Variants in GABRB1 observed in about 807,000 individuals in gnomAD.
GABRB1 encodes gamma-aminobutyric acid receptor subunit beta-1.
A neutral mutation model predicts 51.6 loss-of-function variants in GABRB1; 17 were observed. The ratio of observed to expected loss-of-function variants is 0.33; its 90% CI spans 0.23 to 0.49. GABRB1 has a LOEUF of 0.49. Ranked by LOEUF, GABRB1 falls within the 20% of genes least tolerant of loss-of-function variation. GABRB1 has a pLI of 0.99. For synonymous variants in GABRB1, 247 were observed against 218.9 expected, an observed-to-expected ratio of 1.13 and a Z score of -1.14; for missense variants, 410 against 600.6, an observed-to-expected ratio of 0.68 and a Z score of 3.32.
chr4:47,398,577 GAC>G (rs1728263455), intron 5 of GABRB1, among the ~76,000 whole-genome samples: 4 of 152,046 alleles, frequency 2.6e-5, no homozygotes, highest in African/African-American at 9.7e-5. Flanking sequence ...GAGAGAGAGA[GAC>G]AGAGAGAGAG....
chr4:47,136,162 G>A (rs1447954028), intron 3 of GABRB1, among the ~76,000 whole-genome samples: 1 of 151,974 alleles, frequency 6.6e-6, no homozygotes, highest in Non-Finnish European at 1.5e-5. Flanking sequence ...AGCTAATTTT[G>A]TTTGTTTTTT....
chr4:47,068,136 T>G (rs2109539913), intron 3 of GABRB1, among the ~76,000 whole-genome samples: 1 of 152,330 alleles, frequency 6.6e-6, no homozygotes, highest in African/African-American at 2.4e-5. Context: ...AGCTTCAAAC[T>G]TTTCTTCTGC....
In GABRB1 at chr4:47,422,304, T is replaced by C. The variant is rs367697217; in HGVS notation, c.1081-3370T>C. On this transcript the variant is annotated intron_variant, in intron 8 of 8. Transcript: ENST00000295454. The stretch of plus-strand genomic sequence containing the variant: ...TCCTGTCTACTGTGTCTCTTCCAGC[T>C]TCACTTGACACCCTATCCCGATATG... Among the ~76,000 whole-genome samples the C allele has an allele frequency of 2.0e-5, 3 of 152,320 alleles. No homozygotes were observed. In the East Asian group the frequency reaches 5.8e-4, roughly 29 times the overall value.
intron 5 of GABRB1, among the ~76,000 whole-genome samples, chr4:47,376,417 C>A (rs768871054): frequency 2.0e-5 from 3 of 152,100 alleles, no homozygotes; most frequent in Non-Finnish European, 4.4e-5. Context: ...GAGGTCGAGA[C>A]GGGCGGATCA....
chr4:47,276,159 C>A (rs992275268), intron 4 of GABRB1, among the ~76,000 whole-genome samples: 2 of 152,054 alleles, frequency 1.3e-5, no homozygotes, highest in African/African-American at 4.8e-5. Context: ...GTATGTTTTT[C>A]TTCTCAAGTT....
chr4:47,093,629 C>T (rs938834661), intron 3 of GABRB1, among the ~76,000 whole-genome samples: 2 of 152,120 alleles, frequency 1.3e-5, no homozygotes, highest in African/African-American at 2.4e-5. Flanking sequence ...ACTACTTAAT[C>T]GAAATAGCAA....
intron 4 of GABRB1, among the ~76,000 whole-genome samples, chr4:47,271,914 T>C (rs1722888301): frequency 6.6e-6 from 1 of 152,098 alleles, no homozygotes; most frequent in Non-Finnish European, 1.5e-5. Flanking sequence ...TGATCTAGGT[T>C]CTAAACAATT....
At position 47,181,686 on chromosome 4, in the gene GABRB1, T is replaced by A. The variant is rs548995337; in HGVS notation, c.461+20217T>A. On this transcript the variant is annotated intron_variant, in intron 4 of 8. Transcript: ENST00000295454. ...AGCATTTAGTACCATACCTGGTGCATAATTTGTGCTCATAAATAGCTGCTA... is the reference window on the plus strand; with the variant it reads ...AGCATTTAGTACCATACCTGGTGCAAAATTTGTGCTCATAAATAGCTGCTA... Among the ~76,000 whole-genome samples, 19 of 152,182 alleles carry A rather than the reference T, an allele frequency of 1.2e-4. No homozygotes were observed. The East Asian group carries it at 3.1e-3, about 25-fold the overall frequency.
intron 4 of GABRB1, among the ~76,000 whole-genome samples, chr4:47,298,701 C>A (rs1230273402): frequency 6.6e-6 from 1 of 152,212 alleles, no homozygotes; most frequent in Non-Finnish European, 1.5e-5. Flanking sequence ...CCCCATTAAG[C>A]TACCAATGAC....
At position 47,031,578 on chromosome 4, in the gene GABRB1, A is replaced by G; in HGVS notation, c.-74A>G. On this transcript the variant is annotated 5_prime_UTR_variant, in exon 1 of 9. Coordinates refer to ENST00000295454, the MANE Select transcript of GABRB1 (RefSeq NM_000812.4). Reference sequence around the variant, plus strand: ...GCATGCGCAGGTCCATTCGGGAATTACTGCCCAGCAGCCGACTAAGTTGCA... The same window carrying G: ...GCATGCGCAGGTCCATTCGGGAATTGCTGCCCAGCAGCCGACTAAGTTGCA... 4 of 1,274,734 alleles carry G rather than the reference A, an allele frequency of 3.1e-6. No individual in the cohort carries two copies. Among genetic ancestry groups the G allele is most frequent in the Non-Finnish European group, 4.6e-6 (4 of 872,414 alleles). 79.0% of individuals were successfully genotyped at this position (1,274,734 alleles called of 1,614,324 possible).
chr4:47,221,988 A>T (rs536322676), intron 4 of GABRB1, among the ~76,000 whole-genome samples: 1 of 152,250 alleles, frequency 6.6e-6, no homozygotes, highest in Non-Finnish European at 1.5e-5. Flanking sequence ...ACCAGAAACC[A>T]CTTTAGCACT....
chr4:47,241,858 G>GT (rs891904774), intron 4 of GABRB1, among the ~76,000 whole-genome samples: 2 of 151,396 alleles, frequency 1.3e-5, no homozygotes, highest in Non-Finnish European at 2.9e-5. Flanking sequence ...TTCATTAAAG[G>GT]TTTTTTTTAT....
Position 47,031,572 on chromosome 4 carries a change from G to T in GABRB1, c.-80G>T, listed in dbSNP as rs958535010. ...CTCTGCGCATGCGCAGGTCCATTCG[G>T]GAATTACTGCCCAGCAGCCGACTAA... On this transcript the variant is annotated 5_prime_UTR_variant, in exon 1 of 9. Transcript: ENST00000295454. The T allele has an allele frequency of 1.2e-5, 15 of 1,208,220 alleles. No homozygotes were observed. Among genetic ancestry groups the T allele is most frequent in the Admixed American group, 5.1e-5 (3 of 58,616 alleles). The allele number at this position is 1,208,220 out of a possible 1,614,324, so 74.8% of individuals were successfully genotyped here. A position where few individuals can be genotyped will look rare whatever the true frequency, so the allele number is the denominator to read the frequency against.
chr4:47,192,198 C>T (rs1488803334), intron 4 of GABRB1, among the ~76,000 whole-genome samples: 8 of 151,894 alleles, frequency 5.3e-5, no homozygotes, highest in Non-Finnish European at 7.4e-5. Context: ...ATGTCTTTAA[C>T]GCTTACTTTA....
At chr4:47,261,277 T>C (rs1722426015) in intron 4 of GABRB1, among the ~76,000 whole-genome samples, 1 of 152,188 alleles carries the variant, frequency 6.6e-6, no homozygotes, top group African/African-American at 2.4e-5. Flanking sequence ...GCAGATGACA[T>C]GATTGTATAT....
intron 3 of GABRB1, among the ~76,000 whole-genome samples, chr4:47,155,945 A>ATATATATATATATATATG (rs1186316306): frequency 2.2e-5 from 3 of 138,264 alleles, no homozygotes; most frequent in Non-Finnish European, 4.7e-5. Flanking sequence ...ATATATATAT[A>ATATATATATATATATATG]TGAAACCACT....
chr4:47,072,897 G>A (rs149699760), intron 3 of GABRB1, among the ~76,000 whole-genome samples: 6 of 152,236 alleles, frequency 3.9e-5, no homozygotes, highest in Middle Eastern at 6.8e-3. Flanking sequence ...CATTGTTAAT[G>A]TGACTTTAAG....
intron 4 of GABRB1, among the ~76,000 whole-genome samples, chr4:47,196,124 C>T (rs563655541): frequency 1.8e-4 from 28 of 152,316 alleles, no homozygotes; most frequent in African/African-American, 6.7e-4. Context: ...TGAGAATTCA[C>T]TGTGAAAAGC....
At chr4:47,276,370 G>A (rs1420913014) in intron 4 of GABRB1, among the ~76,000 whole-genome samples, 1 of 151,920 alleles carries the variant, frequency 6.6e-6, no homozygotes, top group East Asian at 1.9e-4. Context: ...ATCTTTCAGG[G>A]AAGCTCAATA....
Sources: gnomAD v4.1 joint callset for allele counts (sites outside exome capture counted in the v4.1 genomes callset) on GRCh38, gnomAD v4.1.1 for gene constraint, MANE v1.5 for transcripts, NCBI Gene and HGNC (gene_info 2026-07-23, HGNC 2026-07-21) for gene names.